The following PPIG variants were observed in gnomAD, a reference collection of about 807,000 sequenced individuals.
The protein encoded by PPIG is peptidyl-prolyl cis-trans isomerase G.
PPIG carries 26 observed loss-of-function variants against 87.9 expected under a neutral mutation model. The observed-to-expected ratio is 0.30, with a 90% CI of 0.22 to 0.41. PPIG has a LOEUF of 0.41. Among genes scored for constraint, PPIG ranks in the 10% least tolerant of loss-of-function variants. PPIG has a pLI of 1.00. For missense variants in PPIG, 722 were observed against 879.4 expected (o/e 0.82, Z 2.26); for synonymous variants, 308 against 276.5 (o/e 1.11, Z -1.13).
intron 9 of PPIG, among the ~76,000 whole-genome samples, chr2:169,616,218 T>C (rs528495659): frequency 6.6e-6 from 1 of 152,342 alleles, no homozygotes; most frequent in East Asian, 1.9e-4. Flanking sequence ...ATGGTGTATA[T>C]GTGCCACATT....
chr2:169,602,437 T>C (rs1685210857), intron 1 of PPIG, among the ~76,000 whole-genome samples: 1 of 152,244 alleles, frequency 6.6e-6, no homozygotes, highest in African/African-American at 2.4e-5. Flanking sequence ...TGCCTCAGCC[T>C]CCTGAGTAGC....
intron 12 of PPIG, among the ~76,000 whole-genome samples, chr2:169,634,270 C>T (rs1256752973): frequency 6.6e-6 from 1 of 151,998 alleles, no homozygotes; most frequent in Non-Finnish European, 1.5e-5. Flanking sequence ...TCATGTTGCC[C>T]AGACTGGTCT....
Position 169,637,730 on chromosome 2 carries a change from G to T in PPIG, c.*207G>T, listed in dbSNP as rs763188588. On this transcript the variant is annotated 3_prime_UTR_variant, in exon 14 of 14. Transcript: ENST00000260970. Reference sequence around the variant, plus strand: ...GTACTGCTAAAGTTTTAATAAACTCGACATGAGAAAAACACTTTGGTGTAG... The same window carrying T: ...GTACTGCTAAAGTTTTAATAAACTCTACATGAGAAAAACACTTTGGTGTAG... 1.9e-6 allele frequency: 1 copy of T among 515,016 alleles called. No individual in the cohort carries two copies. Among genetic ancestry groups the T allele is most frequent in the Non-Finnish European group, 3.3e-6 (1 of 306,220 alleles). 31.9% of individuals were successfully genotyped at this position (515,016 alleles called of 1,614,324 possible).
At position 169,608,325 on chromosome 2, in the gene PPIG, C is replaced by T. The variant is rs1385442200; in HGVS notation, c.290-346C>T. 3.3e-5 allele frequency among the ~76,000 whole-genome samples: 5 copies of T among 151,836 alleles called. No homozygotes were observed. In the East Asian group the frequency reaches 7.7e-4, roughly 24 times the overall value. ...CTAACACGGTGAAATGCCGTCTCTA[C>T]TAAAAATACAAAAATTAGCTGGGCG... is the stretch of plus-strand genomic sequence containing the variant. On this transcript the variant is annotated intron_variant, in intron 6 of 13. Transcript: ENST00000260970.
chr2:169,635,964 T>A, intron 12 of PPIG, 128 bp from the exon 13 acceptor site: 4 of 486,124 alleles, frequency 8.2e-6, no homozygotes, highest in Non-Finnish European at 1.4e-5. Flanking sequence ...ATGCTTTTTA[T>A]ATTTTTTTTA....
rs2105492671 is a variant in PPIG, at chr2:169,608,533, T to C, written c.290-138T>C. The C allele has an allele frequency of 7.9e-6, 4 of 506,066 alleles. No individual in the cohort carries two copies. In the South Asian group the frequency reaches 1.0e-4, roughly 13 times the overall value. The allele number at this position is 506,066 out of a possible 1,614,324, so 31.3% of individuals were successfully genotyped here. A position where few individuals can be genotyped will look rare whatever the true frequency, so the allele number is the denominator to read the frequency against. On this transcript the variant is annotated intron_variant, in intron 6 of 13. Transcript: ENST00000260970. ...GGAAATTGATTCATATTTGATTCTC[T>C]TCTTTCATAACCTAACTTTATTATC...
chr2:169,629,498 A>G (rs1442126815), intron 9 of PPIG, among the ~76,000 whole-genome samples: 1 of 152,208 alleles, frequency 6.6e-6, no homozygotes, highest in African/African-American at 2.4e-5. Context: ...TTTGTTTCTT[A>G]ATAAATTCCC....
intron 9 of PPIG, among the ~76,000 whole-genome samples, chr2:169,624,627 A>G (rs577766482): frequency 1.1e-4 from 16 of 151,972 alleles, no homozygotes; most frequent in African/African-American, 2.7e-4. Context: ...TCGCTCTGTC[A>G]CCCAGGCTGG....
At chr2:169,615,537 A>G (rs1488125194) in intron 9 of PPIG, among the ~76,000 whole-genome samples, 1 of 152,222 alleles carries the variant, frequency 6.6e-6, no homozygotes, top group Non-Finnish European at 1.5e-5. Context: ...CAACGTTTTT[A>G]GATTCCACAT....
intron 1 of PPIG, among the ~76,000 whole-genome samples, chr2:169,586,058 A>G (rs1388356185): frequency 6.6e-6 from 1 of 152,136 alleles, no homozygotes; most frequent in African/African-American, 2.4e-5. Context: ...TACCCGTTTT[A>G]GCACTCCCCT....
At chr2:169,608,940 T>C (rs1248485006) in intron 7 of PPIG, among the ~76,000 whole-genome samples, 182 bp downstream of exon 7, 2 of 151,718 alleles carry the variant, frequency 1.3e-5, no homozygotes, top group African/African-American at 2.4e-5. Context: ...AAAAATTAGC[T>C]GGGCATGGTG....
chr2:169,601,701 G>C (rs942831663), intron 1 of PPIG, among the ~76,000 whole-genome samples: 3 of 152,142 alleles, frequency 2.0e-5, no homozygotes, highest in African/African-American at 7.2e-5. Flanking sequence ...CTGAAATAAA[G>C]TTGAGGAAAA....
intron 7 of PPIG, 77 bp downstream of exon 7, chr2:169,608,835 G>A: frequency 1.0e-6 from 1 of 966,858 alleles, no homozygotes; most frequent in Non-Finnish European, 1.6e-6. Context: ...GTAATCCCAG[G>A]ACTTTGGGAG....
intron 1 of PPIG, among the ~76,000 whole-genome samples, chr2:169,603,238 GGTAA>G (rs547679320): frequency 2.0e-5 from 3 of 151,944 alleles, no homozygotes; most frequent in Admixed American, 1.3e-4. Flanking sequence ...TTCTTCTACG[GGTAA>G]GTATCATCTT....
intron 6 of PPIG, 97 bp downstream of exon 6, chr2:169,607,245 A>T: frequency 1.3e-6 from 1 of 772,678 alleles, no homozygotes; most frequent in African/African-American, 1.8e-5. Flanking sequence ...TAAAGGGTAT[A>T]CTAATGTCTA....
Position 169,588,258 on chromosome 2 carries a change from G to A in PPIG, c.-70+3768G>A, listed in dbSNP as rs1384578149. 2.0e-5 allele frequency among the ~76,000 whole-genome samples: 3 copies of A among 152,136 alleles called. No individual in the cohort carries two copies. The East Asian group carries it at 5.8e-4, about 29-fold the overall frequency. On this transcript the variant is annotated intron_variant, in intron 1 of 13. Transcript: ENST00000260970. ...TCGTGTGTGTGTGTGTATATACTAA[G>A]CTCTTGTTAATTATTGTATACATTT...
At chr2:169,613,045 C>A (rs1392828738) in intron 7 of PPIG, among the ~76,000 whole-genome samples, 1 of 152,168 alleles carries the variant, frequency 6.6e-6, no homozygotes, top group Non-Finnish European at 1.5e-5. Context: ...ATGAAAGCAC[C>A]ACAAGCTGTA....
chr2:169,587,654 T>G (rs1459434993), intron 1 of PPIG, among the ~76,000 whole-genome samples: 4 of 152,224 alleles, frequency 2.6e-5, no homozygotes, highest in Non-Finnish European at 5.9e-5. Context: ...TTTTTATTTC[T>G]GTAGGGAAAA....
chr2:169,598,392 A>C (rs1453334190), intron 1 of PPIG, among the ~76,000 whole-genome samples: 2 of 151,502 alleles, frequency 1.3e-5, no homozygotes, highest in African/African-American at 4.9e-5. Flanking sequence ...CCGGGTTCAC[A>C]CCTTTCTCCT....
Sources: gnomAD v4.1 joint callset for allele counts (sites outside exome capture counted in the v4.1 genomes callset) on GRCh38, gnomAD v4.1.1 for gene constraint, MANE v1.5 for transcripts, NCBI Gene and HGNC (gene_info 2026-07-23, HGNC 2026-07-21) for gene names.